KCNMA1: variants seen among roughly 807,000 people sequenced by gnomAD.
KCNMA1 encodes the protein Calcium-activated potassium channel subunit alpha-1.
A neutral mutation model predicts 140.0 loss-of-function variants in KCNMA1; 29 were observed. The ratio of observed to expected loss-of-function variants is 0.21; its 90% CI spans 0.15 to 0.28. The LOEUF (loss-of-function observed/expected upper bound fraction) is 0.28, where lower values mean the gene tolerates loss of function less well. KCNMA1 is among the 10% of genes least tolerant of loss of function. KCNMA1 has a pLI of 1.00. For synonymous variants in KCNMA1, 612 were observed against 611.9 expected (o/e 1.00, Z 0.00); for missense variants, 880 against 1,602.2 (o/e 0.55, Z 7.70).
chr10:77,520,500 T>C (rs942611496), intron 1 of KCNMA1, among the ~76,000 whole-genome samples: 1 of 152,036 alleles, frequency 6.6e-6, no homozygotes, highest in African/African-American at 2.4e-5. Context: ...GACCAGCAGG[T>C]AGCAGCACTC....
rs757542936 is a variant in KCNMA1, at chr10:77,511,144, G to A, written c.379-107121C>T. 2.2e-4 allele frequency among the ~76,000 whole-genome samples: 33 copies of A among 152,184 alleles called. 1 individual carries two copies. The highest frequency in any genetic ancestry group is 4.1e-4 in the Non-Finnish European group (28 of 68,036). ...CACCAGGAAGGCTTGTTAAACCAGC[G>A]TCCTGGGCCCCAGCCTCAGTTTCTG... On this transcript the variant is annotated intron_variant, in intron 1 of 27. Coordinates refer to ENST00000286628, the MANE Select transcript of KCNMA1 (RefSeq NM_001161352.2).
At chr10:77,195,053 A>ATTG (rs749213984) in intron 3 of KCNMA1, among the ~76,000 whole-genome samples, 10 of 151,042 alleles carry the variant, frequency 6.6e-5, no homozygotes, top group Admixed American at 3.3e-4. Flanking sequence ...TGTTGTTGTT[A>ATTG]TTGTTGTTGT....
intron 2 of KCNMA1, among the ~76,000 whole-genome samples, chr10:77,307,560 T>C (rs184321476): frequency 7.4e-4 from 112 of 152,300 alleles, no homozygotes; most frequent in Admixed American, 1.8e-3. Context: ...AGCCATGATG[T>C]TCAGTAGATG....
At chr10:77,539,029 C>A (rs1269048566) in intron 1 of KCNMA1, among the ~76,000 whole-genome samples, 4 of 152,178 alleles carry the variant, frequency 2.6e-5, no homozygotes, top group Non-Finnish European at 5.9e-5. Context: ...ACCCAAGAGG[C>A]TGAACACACT....
intron 1 of KCNMA1, among the ~76,000 whole-genome samples, chr10:77,623,924 C>T (rs2092022393): frequency 2.0e-5 from 3 of 152,104 alleles, no homozygotes; most frequent in Admixed American, 2.0e-4. Flanking sequence ...TGCATGGCTC[C>T]GGTAGCATAA....
intron 2 of KCNMA1, among the ~76,000 whole-genome samples, chr10:77,399,331 C>G (rs7915443): frequency 6.6e-6 from 1 of 152,194 alleles, no homozygotes; most frequent in Middle Eastern, 3.2e-3. Flanking sequence ...TCCGCATGAG[C>G]CGACTCCAAA....
rs1564709525 is a variant in KCNMA1, at chr10:76,887,285, A to C, written c.3692T>G (p.Val1231Gly). ...CACATATCAAAGCCGCTCTTCCTGC[A>C]CGTACTTCTGTTTGTCCCGGGACTC... is the stretch of plus-strand genomic sequence containing the variant. ...SRESRDKQKY[V>G]QEERL Residue 1231 changes from valine to glycine, a missense_variant, in exon 28 of 28, where the codon GTG (valine) becomes GGG (glycine). By Grantham distance (109) the Val-to-Gly change is moderately radical (BLOSUM62 -3). Coordinates refer to ENST00000286628, the MANE Select transcript of KCNMA1 (RefSeq NM_001161352.2). 6.2e-7 allele frequency: 1 copy of C among 1,613,958 alleles called. No individual in the cohort carries two copies. The highest frequency in any genetic ancestry group is 8.5e-7 in the Non-Finnish European group (1 of 1,180,020).
chr10:77,022,947 T>C, intron 16 of KCNMA1: 1 of 455,606 alleles, frequency 2.2e-6, no homozygotes, highest in Non-Finnish European at 4.4e-6. Flanking sequence ...CTTGCAAAGT[T>C]GGGGCAATTG....
intron 3 of KCNMA1, among the ~76,000 whole-genome samples, chr10:77,211,134 CA>C (rs1054747936): frequency 2.6e-5 from 4 of 151,882 alleles, no homozygotes; most frequent in Admixed American, 1.3e-4. Flanking sequence ...AAAACAAAAA[CA>C]AAAAAACAAA....
At chr10:77,341,615 C>A (rs187720211) in intron 2 of KCNMA1, among the ~76,000 whole-genome samples, 1 of 152,326 alleles carries the variant, frequency 6.6e-6, no homozygotes, top group Admixed American at 6.5e-5. Flanking sequence ...TCTGAAATGC[C>A]TGTGATGGGA....
intron 5 of KCNMA1, among the ~76,000 whole-genome samples, chr10:77,181,540 C>A (rs1473777700): frequency 6.6e-6 from 1 of 152,132 alleles, no homozygotes; most frequent in Non-Finnish European, 1.5e-5. Context: ...TCGAAGTCAT[C>A]TAGCCAAATC....
At chr10:77,365,886 C>T (rs1446297047) in intron 2 of KCNMA1, among the ~76,000 whole-genome samples, 1 of 152,164 alleles carries the variant, frequency 6.6e-6, no homozygotes, top group Admixed American at 6.5e-5. Context: ...TAATCTTAAC[C>T]TCCCAGGGTC....
intron 15 of KCNMA1, among the ~76,000 whole-genome samples, chr10:77,029,441 A>G (rs1438840544): frequency 6.6e-6 from 1 of 152,194 alleles, no homozygotes; most frequent in Non-Finnish European, 1.5e-5. Flanking sequence ...ACACGTGATG[A>G]AACCAAGGAT....
chr10:77,501,496 C>CTGG (rs2043865832), intron 1 of KCNMA1, among the ~76,000 whole-genome samples: 1 of 152,218 alleles, frequency 6.6e-6, no homozygotes. Context: ...GTGTCATAAA[C>CTGG]CCCTCCTTGA....
chr10:77,584,947 T>C (rs1486597622), intron 1 of KCNMA1, among the ~76,000 whole-genome samples: 1 of 152,208 alleles, frequency 6.6e-6, no homozygotes, highest in Non-Finnish European at 1.5e-5. Flanking sequence ...CACTGGAGCA[T>C]GCACTCCCTG....
chr10:77,030,361 T>C (rs2093842612), intron 15 of KCNMA1, among the ~76,000 whole-genome samples: 1 of 152,210 alleles, frequency 6.6e-6, no homozygotes, highest in South Asian at 2.1e-4. Flanking sequence ...GGAGCTTAAA[T>C]TGTTTTTTTA....
Position 77,428,280 on chromosome 10 carries a change from C to A in KCNMA1, c.379-24257G>T, listed in dbSNP as rs115754373. Reference sequence around the variant, plus strand: ...GAGCTGGGGTGACAGAGCCCCTGCTCATCACTGCCTATGTTGCCTTCCAAG... The same window carrying A: ...GAGCTGGGGTGACAGAGCCCCTGCTAATCACTGCCTATGTTGCCTTCCAAG... On this transcript the variant is annotated intron_variant, in intron 1 of 27. Transcript: ENST00000286628. Among the ~76,000 whole-genome samples the A allele has an allele frequency of 6.5e-3, 997 of 152,288 alleles. 9 individuals are homozygous for A. Among genetic ancestry groups the A allele is most frequent in the African/African-American group, 0.023 (962 of 41,570 alleles).
At chr10:77,262,813 C>T (rs1266172926) in intron 2 of KCNMA1, among the ~76,000 whole-genome samples, 1 of 152,034 alleles carries the variant, frequency 6.6e-6, no homozygotes, top group Non-Finnish European at 1.5e-5. Flanking sequence ...CATGCTTGTA[C>T]AGCCTGCAGA....
chr10:77,459,982 A>G (rs2097832122), intron 1 of KCNMA1, among the ~76,000 whole-genome samples: 1 of 152,268 alleles, frequency 6.6e-6, no homozygotes, highest in South Asian at 2.1e-4. Context: ...ATAAAGAGCC[A>G]GATAGCAAAT....
Sources: gnomAD v4.1 joint callset for allele counts (sites outside exome capture counted in the v4.1 genomes callset) on GRCh38, gnomAD v4.1.1 for gene constraint, MANE v1.5 for transcripts, NCBI Gene and HGNC (gene_info 2026-07-23, HGNC 2026-07-21) for gene names.